Variants in SAMD4B observed in about 807,000 individuals in gnomAD.
The protein encoded by SAMD4B is protein Smaug homolog 2.
In SAMD4B, 5 loss-of-function variants were observed where a neutral mutation model predicts 74.5. That is an observed-to-expected ratio of 0.07 (90% CI 0.04 to 0.14). The LOEUF is 0.14. Among genes scored for constraint, SAMD4B ranks in the 10% least tolerant of loss-of-function variants. The probability of loss-of-function intolerance (pLI) is 1.00; values close to 1 mark genes in which losing one functional copy is unlikely to be tolerated. For synonymous variants in SAMD4B, 373 were observed against 374.9 expected (o/e 1.00, Z 0.06); for missense variants, 608 against 921.8 (o/e 0.66, Z 4.41).
At position 39,375,096 on chromosome 19, in the gene SAMD4B, A is replaced by G. The variant is rs8101598; in HGVS notation, c.668-554A>G. On this transcript the variant is annotated intron_variant, in intron 4 of 13. Coordinates refer to ENST00000610417, the MANE Select transcript of SAMD4B (RefSeq NM_001384574.2). The surrounding 1 kb of genome is among the most constrained non-coding windows in gnomAD (Gnocchi z 4.1). ...AGTCCAGAAGTCCTGAGGCTGGAAC[A>G]ACCTTGAGTGTTTCAGGAACAAAGG... 0.028 allele frequency among the ~76,000 whole-genome samples: 4,230 copies of G among 152,240 alleles called. 97 individuals are homozygous for G. The highest frequency in any genetic ancestry group is 0.062 in the African/African-American group (2,595 of 41,532).
At chr19:39,381,710 G>T (rs1459625577) in intron 12 of SAMD4B, among the ~76,000 whole-genome samples, 4 of 152,202 alleles carry the variant, frequency 2.6e-5, no homozygotes. Context: ...TTGGGAAGCT[G>T]AGGCAAGTAG....
chr19:39,372,713 C>T (rs983623004), intron 4 of SAMD4B, among the ~76,000 whole-genome samples: 2 of 152,166 alleles, frequency 1.3e-5, no homozygotes, highest in Non-Finnish European at 2.9e-5. Context: ...ACGATCATTC[C>T]AGTCAGGGTA....
Position 39,381,035 on chromosome 19 carries a change from C to A in SAMD4B, c.1894C>A (p.Gln632Lys). 6.2e-7 allele frequency: 1 copy of A among 1,613,048 alleles called. No individual in the cohort carries two copies. Among genetic ancestry groups the A allele is most frequent in the South Asian group, 1.1e-5 (1 of 90,978 alleles). The change falls in exon 12 of 14, where the codon CAG becomes AAG. Residue 632 changes from glutamine (Q) to lysine (K), a missense_variant. Coordinates refer to ENST00000610417, the MANE Select transcript of SAMD4B (RefSeq NM_001384574.2). ...NPGGSNSMPS[Q>K]SRSSVQRTHS... ...TGGAGGCAGCAACAGCATGCCCAGT[C>A]AGAGCCGCAGCTCTGTGCAGCGCAC... is the stretch of plus-strand genomic sequence containing the variant.
At chr19:39,365,263 G>T (rs1032882502) in intron 3 of SAMD4B, among the ~76,000 whole-genome samples, 5 of 134,514 alleles carry the variant, frequency 3.7e-5, no homozygotes, top group Non-Finnish European at 7.9e-5. Flanking sequence ...AAAAAAAAAA[G>T]TTCCTCCCTG....
chr19:39,380,841 G>T, intron 11 of SAMD4B, 56 bp downstream of exon 11: 1 of 1,509,680 alleles, frequency 6.6e-7, no homozygotes. Context: ...GCAGTACCTG[G>T]GATGTCTATT....
In SAMD4B at chr19:39,342,473, G is replaced by C. The variant is rs971408189; in HGVS notation, c.-370G>C. 3 of 181,438 alleles carry C rather than the reference G, an allele frequency of 1.7e-5. No homozygotes were observed. Among genetic ancestry groups the C allele is most frequent in the Admixed American group, 6.4e-5 (1 of 15,708 alleles). The allele number at this position is 181,438 out of a possible 1,614,324, so 11.2% of individuals were successfully genotyped here. A position where few individuals can be genotyped will look rare whatever the true frequency, so the allele number is the denominator to read the frequency against. The stretch of plus-strand genomic sequence containing the variant: ...GCGGCGGCGGCGGCGGCGGTGGTCG[G>C]TGCGGGAGGAGGGAGGGGAGCTTGC... On this transcript the variant is annotated 5_prime_UTR_variant, in exon 1 of 14. Transcript: ENST00000610417.
downstream of SAMD4B, chr19:39,388,204 A>G (rs2078295510): frequency 3.6e-6 from 3 of 832,108 alleles, no homozygotes; most frequent in Non-Finnish European, 3.9e-6. Flanking sequence ...GTGCATGACC[A>G]GACATCTGCT....
At position 39,369,940 on chromosome 19, in the gene SAMD4B, G is replaced by A. The variant is rs777073752; in HGVS notation, c.482G>A (p.Arg161Gln). 1.5e-5 allele frequency: 25 copies of A among 1,613,880 alleles called. No individual in the cohort carries two copies. The highest frequency in any genetic ancestry group is 1.8e-5 in the Non-Finnish European group (21 of 1,179,946). ...EERLASGFRS[R>Q]PEPSYHSRQG... ...CGGTTGGCTAGTGGCTTCCGCTCCC[G>A]GCCAGAGCCCTCCTACCATTCACGT... Residue 161 changes from arginine (R) to glutamine (Q), a missense_variant, in exon 4 of 14, where the codon CGG (arginine) becomes CAG (glutamine). Physicochemically the swap from Arg to Gln is conservative, Grantham distance 43. This residue lies in a region of SAMD4B where 153 missense variants were observed against 153.0 expected (regional missense o/e 1.00). Transcript: ENST00000610417.
intron 5 of SAMD4B, 109 bp from the exon 6 acceptor site, chr19:39,376,328 A>AT (rs2077595256): frequency 3.5e-6 from 3 of 856,876 alleles, no homozygotes; most frequent in Non-Finnish European, 1.8e-6. Context: ...CCCCCTCCCA[A>AT]TTTTTTGCAT....
chr19:39,377,922 C>T, intron 8 of SAMD4B, 98 bp downstream of exon 8: 1 of 1,170,042 alleles, frequency 8.5e-7, no homozygotes, highest in Non-Finnish European at 1.2e-6. Context: ...GGGAGCAGGG[C>T]TTTGTAAAGC....
chr19:39,369,949 C>T lies in SAMD4B; in HGVS notation c.491C>T (p.Pro164Leu), dbSNP rs1323460646. 6.2e-7 allele frequency: 1 copy of T among 1,613,782 alleles called. No individual in the cohort carries two copies. Among genetic ancestry groups the T allele is most frequent in the Non-Finnish European group, 8.5e-7 (1 of 1,179,932 alleles). The change falls in exon 4 of 14, where the codon CCC becomes CTC. Residue 164 changes from proline to leucine, a missense_variant. By Grantham distance (98) the Pro-to-Leu change is moderately conservative. This residue lies in a region of SAMD4B where 153 missense variants were observed against 153.0 expected (regional missense o/e 1.00). Coordinates refer to ENST00000610417, the MANE Select transcript of SAMD4B (RefSeq NM_001384574.2). ...LASGFRSRPE[P>L]SYHSRQGSDE... ...AGTGGCTTCCGCTCCCGGCCAGAGC[C>T]CTCCTACCATTCACGTCAAGGCTCA...
downstream of SAMD4B, chr19:39,386,662 C>T: frequency 6.3e-7 from 1 of 1,594,308 alleles, no homozygotes; most frequent in Non-Finnish European, 8.6e-7. The surrounding 1 kb of genome is among the most constrained non-coding windows in gnomAD (Gnocchi z 6.1). Flanking sequence ...CCCTCCCTGC[C>T]ATGGGTGCCC....
At chr19:39,382,542 C>A (rs974741850) in intron 12 of SAMD4B, among the ~76,000 whole-genome samples, 2 of 152,012 alleles carry the variant, frequency 1.3e-5, no homozygotes, top group Non-Finnish European at 2.9e-5. Context: ...GGAGCTGGGT[C>A]GTCTAAATCC....
chr19:39,370,605 T>C (rs1390416709), intron 4 of SAMD4B, among the ~76,000 whole-genome samples: 3 of 152,208 alleles, frequency 2.0e-5, no homozygotes, highest in Non-Finnish European at 4.4e-5. Context: ...CATCAGGCTA[T>C]GACGCTTGAT....
chr19:39,379,865 C>A, intron 9 of SAMD4B, 101 bp from the exon 10 acceptor site: 1 of 1,033,190 alleles, frequency 9.7e-7, no homozygotes, highest in Non-Finnish European at 1.4e-6. Flanking sequence ...CCACCACGCC[C>A]GGCCAGGCAA....
rs1412385021 is a variant in SAMD4B, at chr19:39,357,176, G to A, written c.196+87G>A. On this transcript the variant is annotated intron_variant, in intron 3 of 13. Coordinates refer to ENST00000610417, the MANE Select transcript of SAMD4B (RefSeq NM_001384574.2). ...TGGCTAAGAAGGTCAACCCAACAAT[G>A]GGACTAAAAAACGTGGGTTCTAGGC... is the stretch of plus-strand genomic sequence containing the variant. The A allele has an allele frequency of 2.4e-6, 3 of 1,245,656 alleles. No individual in the cohort carries two copies. In the African/African-American group the frequency reaches 4.5e-5, roughly 19 times the overall value. The allele number at this position is 1,245,656 out of a possible 1,614,324, so 77.2% of individuals were successfully genotyped here.
At chr19:39,386,744 G>A (rs763569673), downstream of SAMD4B, 33 of 1,614,156 alleles carry the variant, frequency 2.0e-5, no homozygotes, top group Non-Finnish European at 2.6e-5. This position sits in a 1 kb window ranked among gnomAD's most constrained non-coding sequence, Gnocchi z 6.1. Flanking sequence ...ACCACAAGCA[G>A]GGCGTTGGTG....
intron 1 of SAMD4B, among the ~76,000 whole-genome samples, chr19:39,352,752 G>A (rs963634101): frequency 2.6e-5 from 4 of 151,736 alleles, no homozygotes; most frequent in Non-Finnish European, 5.9e-5. Flanking sequence ...GCAGCTTATT[G>A]GGTGGGTGGA....
chr19:39,352,295 C>T (rs1326475508), intron 1 of SAMD4B: 1 of 152,182 alleles, frequency 6.6e-6, no homozygotes, highest in Non-Finnish European at 1.5e-5. Flanking sequence ...AAGGTATAAA[C>T]CAGAGAGGCC....
Sources: gnomAD v4.1 joint callset for allele counts (sites outside exome capture counted in the v4.1 genomes callset) on GRCh38, gnomAD v4.1.1 for gene constraint, gnomAD v4.1.1 regional missense constraint, Gnocchi (gnomAD v3.1) non-coding constraint, MANE v1.5 for transcripts, NCBI Gene and HGNC (gene_info 2026-07-23, HGNC 2026-07-21) for gene names.